ZPLD1: variants seen among roughly 807,000 people sequenced by gnomAD.
ZPLD1 encodes zona pellucida-like domain-containing protein 1.
In ZPLD1, 34 loss-of-function variants were observed where a neutral mutation model predicts 47.2. The observed-to-expected ratio is 0.72, with a 90% confidence interval of 0.55 to 0.96. The LOEUF is 0.96. Ranked by LOEUF, ZPLD1 falls within the 40% of genes least tolerant of loss-of-function variation. The pLI is 0.00. For synonymous variants in ZPLD1, 176 were observed against 186.2 expected, an observed-to-expected ratio of 0.95 and a Z score of 0.45; for missense variants, 512 against 505.8, an observed-to-expected ratio of 1.01 and a Z score of -0.12.
At chr3:102,424,423 G>A (rs894076536) in intron 8 of ZPLD1, among the ~76,000 whole-genome samples, 4 of 152,170 alleles carry the variant, frequency 2.6e-5, no homozygotes, top group Admixed American at 2.6e-4. Flanking sequence ...ATCCTCCCAA[G>A]ACACACACAA....
upstream of ZPLD1, among the ~76,000 whole-genome samples, chr3:102,433,274 A>G (rs1317586373): frequency 1.3e-5 from 2 of 152,142 alleles, no homozygotes; most frequent in Non-Finnish European, 2.9e-5. Flanking sequence ...GGTGCCACAT[A>G]ATAGTTGAGG....
chr3:102,435,934 G>A (rs981369663), intron 1 of ZPLD1, among the ~76,000 whole-genome samples: 2 of 152,192 alleles, frequency 1.3e-5, no homozygotes, highest in South Asian at 2.1e-4. Context: ...GAGCCACCAC[G>A]CCTGGCCATT....
chr3:102,408,812 A>G (rs558890359), intron 7 of ZPLD1, among the ~76,000 whole-genome samples: 31 of 151,980 alleles, frequency 2.0e-4, no homozygotes, highest in South Asian at 4.1e-4. Context: ...TTTGTCACAA[A>G]ACCTTTATTA....
chr3:102,419,424 CAAAA>C (rs553715567), intron 8 of ZPLD1, among the ~76,000 whole-genome samples: 91 of 151,842 alleles, frequency 6.0e-4, no homozygotes, highest in Non-Finnish European at 9.6e-4. Context: ...GAAACATCCT[CAAAA>C]AAAGTTATCA....
Position 102,469,152 on chromosome 3 carries a change from CT to C in ZPLD1, c.933+19del. 1 of 1,597,564 alleles carries C rather than the reference CT, an allele frequency of 6.3e-7. No individual in the cohort carries two copies. Among genetic ancestry groups the C allele is most frequent in the South Asian group, 1.1e-5 (1 of 87,980 alleles). ...CTTATGCCGGTATGTTTTTAAGGAA[CT>C]TCATTTTAAGTTGTTGAATTGATCT... is the stretch of plus-strand genomic sequence containing the variant. On this transcript the variant is annotated intron_variant, in intron 9 of 11. Coordinates refer to ENST00000466937, the MANE Select transcript of ZPLD1 (RefSeq NM_001329788.2).
At chr3:102,404,722 C>G (rs1468399951) in intron 7 of ZPLD1, among the ~76,000 whole-genome samples, 2 of 152,004 alleles carry the variant, frequency 1.3e-5, no homozygotes, top group African/African-American at 4.8e-5. Context: ...AACTCTTCGG[C>G]TATCTCTTGT....
At chr3:102,405,443 T>C (rs1020657408) in intron 7 of ZPLD1, among the ~76,000 whole-genome samples, 1 of 151,968 alleles carries the variant, frequency 6.6e-6, no homozygotes, top group African/African-American at 2.4e-5. Flanking sequence ...CAGATAGACA[T>C]GTTGACTATC....
chr3:102,445,646 C>A (rs1373619096), intron 3 of ZPLD1, among the ~76,000 whole-genome samples: 1 of 152,136 alleles, frequency 6.6e-6, no homozygotes, highest in East Asian at 1.9e-4. Flanking sequence ...TTTGGTGATT[C>A]ATCTGCACAG....
intron 3 of ZPLD1, among the ~76,000 whole-genome samples, chr3:102,447,614 G>C (rs544575456): frequency 2.6e-5 from 4 of 152,234 alleles, no homozygotes; most frequent in African/African-American, 9.6e-5. Context: ...TAAGCATTCT[G>C]ATGCTAGTGA....
chr3:102,420,326 T>C (rs1706861845), intron 8 of ZPLD1, among the ~76,000 whole-genome samples: 1 of 151,954 alleles, frequency 6.6e-6, no homozygotes, highest in African/African-American at 2.4e-5. Context: ...TAGAAATACA[T>C]TGTGTCCTGT....
intron 7 of ZPLD1, among the ~76,000 whole-genome samples, chr3:102,396,444 T>C (rs1415012785): frequency 6.6e-6 from 1 of 152,144 alleles, no homozygotes; most frequent in African/African-American, 2.4e-5. Context: ...GCAGACTAGT[T>C]TTCTACACTC....
At position 102,477,038 on chromosome 3, in the gene ZPLD1, C is replaced by A; in HGVS notation, c.1069C>A (p.Leu357Ile). The change falls in exon 11 of 12, where the codon CTT becomes ATT. Residue 357 changes from leucine (L) to isoleucine (I), a missense_variant. By Grantham distance (5) the Leu-to-Ile change is conservative. Coordinates refer to ENST00000466937, the MANE Select transcript of ZPLD1 (RefSeq NM_001329788.2). ...TGAGACTCCAACCAACAATTCGCAA[C>A]TTGGTAAGATAATTAACATATTTTG... ...SDETPTNNSQ[L>I]GSPSMPPFQL... is the part of the protein sequence containing the mutation. 1.2e-6 allele frequency: 2 copies of A among 1,613,518 alleles called. No homozygotes were observed. Among genetic ancestry groups the A allele is most frequent in the Non-Finnish European group, 1.7e-6 (2 of 1,179,622 alleles).
chr3:102,474,381 T>G (rs1002532883), intron 10 of ZPLD1, among the ~76,000 whole-genome samples: 1 of 152,154 alleles, frequency 6.6e-6, no homozygotes, highest in African/African-American at 2.4e-5. Flanking sequence ...AGTTAATAAT[T>G]CATTTGAGCA....
At chr3:102,402,088 T>C (rs1374924007) in intron 7 of ZPLD1, among the ~76,000 whole-genome samples, 1 of 152,074 alleles carries the variant, frequency 6.6e-6, no homozygotes, top group Non-Finnish European at 1.5e-5. Flanking sequence ...AAATGCTATA[T>C]GTATTTTTAA....
At chr3:102,473,085 T>C (rs1453448927) in intron 10 of ZPLD1, among the ~76,000 whole-genome samples, 1 of 152,158 alleles carries the variant, frequency 6.6e-6, no homozygotes, top group African/African-American at 2.4e-5. Context: ...TGAGATTTAT[T>C]CACTATTATG....
intron 10 of ZPLD1, among the ~76,000 whole-genome samples, chr3:102,472,726 C>A (rs1223362296): frequency 6.6e-6 from 1 of 152,154 alleles, no homozygotes; most frequent in Non-Finnish European, 1.5e-5. Context: ...AGTCAGTTTG[C>A]TATAAGAAAA....
At chr3:102,401,470 C>T (rs563534623) in intron 7 of ZPLD1, among the ~76,000 whole-genome samples, 26 of 152,180 alleles carry the variant, frequency 1.7e-4, no homozygotes, top group African/African-American at 5.8e-4. Flanking sequence ...CTGAATTTCT[C>T]ACAGATTATG....
At chr3:102,425,775 T>C (rs1706938257) in intron 8 of ZPLD1, among the ~76,000 whole-genome samples, 1 of 151,936 alleles carries the variant, frequency 6.6e-6, no homozygotes, top group African/African-American at 2.4e-5. Context: ...TAATTTTCCT[T>C]CCTTTCAATG....
intron 3 of ZPLD1, among the ~76,000 whole-genome samples, chr3:102,451,936 G>A (rs959842963): frequency 6.6e-6 from 1 of 151,990 alleles, no homozygotes; most frequent in African/African-American, 2.4e-5. Flanking sequence ...GGTACTGAGG[G>A]TTAGGGCTTC....
Sources: allele counts gnomAD v4.1 joint callset (sites outside exome capture counted in the v4.1 genomes callset), GRCh38; gene constraint gnomAD v4.1.1; transcripts MANE v1.5; gene names NCBI Gene and HGNC (gene_info 2026-07-23, HGNC 2026-07-21).